HMGCLL1: variants seen among roughly 807,000 people sequenced by gnomAD.
HMGCLL1 encodes the protein 3-hydroxy-3-methylglutaryl-CoA lyase like 1, also known as 3-hydroxymethyl-3-methylglutaryl-CoA lyase, cytoplasmic.
A neutral mutation model predicts 39.1 loss-of-function variants in HMGCLL1; 36 were observed. The ratio of observed to expected loss-of-function variants is 0.92; its 90% CI spans 0.71 to 1.22. The LOEUF (loss-of-function observed/expected upper bound fraction) is 1.22. Ranked by LOEUF, HMGCLL1 falls within the 50% of genes most tolerant of loss-of-function variation. HMGCLL1 has a pLI of 0.00. For missense variants in HMGCLL1, 451 were observed against 416.5 expected (o/e 1.08, Z -0.72); for synonymous variants, 149 against 144.0 (o/e 1.03, Z -0.25).
intron 7 of HMGCLL1, among the ~76,000 whole-genome samples, chr6:55,481,103 G>C (rs1310104498): frequency 3.3e-5 from 5 of 152,090 alleles, no homozygotes; most frequent in Admixed American, 6.6e-5. Flanking sequence ...ATTGCAGGCT[G>C]GGCACAGTGG....
chr6:55,587,946 A>G, the HMGCLL1 span, among the ~76,000 whole-genome samples: 1 of 152,184 alleles, frequency 6.6e-6, no homozygotes, highest in Non-Finnish European at 1.5e-5. Context: ...CTCCCACACA[A>G]TAATAATGGG....
intron 7 of HMGCLL1, among the ~76,000 whole-genome samples, chr6:55,442,480 T>G (rs9370424): frequency 0.3 from 45,888 of 151,968 alleles, 7,328 homozygotes; most frequent in African/African-American, 0.42. Flanking sequence ...CCTTTAGGCA[T>G]GCCAAAGGGA....
At chr6:55,579,531 G>T (rs922559970), upstream of HMGCLL1, among the ~76,000 whole-genome samples, 2 of 151,388 alleles carry the variant, frequency 1.3e-5, no homozygotes, top group Non-Finnish European at 3.0e-5. Flanking sequence ...GTGTAGATTT[G>T]CCTACCGTTG....
chr6:55,579,195 A>C (rs1771924027), upstream of HMGCLL1: 3 of 666,042 alleles, frequency 4.5e-6, no homozygotes, highest in South Asian at 3.6e-5. Context: ...TGTTCTGCGC[A>C]CTGCGGCGGC....
At chr6:55,549,382 G>GTGTGTA (rs1031245653) in intron 1 of HMGCLL1, among the ~76,000 whole-genome samples, 4 of 150,988 alleles carry the variant, frequency 2.6e-5, no homozygotes, top group African/African-American at 9.8e-5. Context: ...AAGTGTGTGT[G>GTGTGTA]TGTGTGTGTG....
intron 1 of HMGCLL1, among the ~76,000 whole-genome samples, chr6:55,551,560 A>G (rs184833532): frequency 1.1e-4 from 17 of 152,052 alleles, no homozygotes; most frequent in Non-Finnish European, 1.5e-4. Flanking sequence ...GGAGGAGAAG[A>G]AGAAAGCATA....
chr6:55,605,860 T>C, the HMGCLL1 span, among the ~76,000 whole-genome samples: 2 of 152,332 alleles, frequency 1.3e-5, no homozygotes, highest in East Asian at 1.9e-4. Context: ...TTCTAACTGT[T>C]ACGTAGACCT....
intron 7 of HMGCLL1, among the ~76,000 whole-genome samples, chr6:55,479,663 T>C (rs1765626990): frequency 6.6e-6 from 1 of 151,688 alleles, no homozygotes; most frequent in Non-Finnish European, 1.5e-5. Context: ...TTAGAGACAT[T>C]TAATGATTTC....
the HMGCLL1 span, among the ~76,000 whole-genome samples, chr6:55,657,050 GT>G: frequency 2.0e-5 from 3 of 151,572 alleles, no homozygotes; most frequent in South Asian, 2.1e-4. Context: ...GGGTTTTGTT[GT>G]TTTTTTTCTA....
At chr6:55,540,864 G>A (rs1769396038) in intron 3 of HMGCLL1, among the ~76,000 whole-genome samples, 1 of 152,110 alleles carries the variant, frequency 6.6e-6, no homozygotes. Flanking sequence ...CCAAAGAAGA[G>A]AGGATAGGCA....
chr6:55,668,235 G>T, the HMGCLL1 span, among the ~76,000 whole-genome samples: 1 of 151,884 alleles, frequency 6.6e-6, no homozygotes, highest in Admixed American at 6.6e-5. Flanking sequence ...TCTGGCAAAT[G>T]CCAACTTTGT....
intron 7 of HMGCLL1, among the ~76,000 whole-genome samples, chr6:55,494,733 C>A (rs1766488533): frequency 6.6e-6 from 1 of 152,248 alleles, no homozygotes; most frequent in East Asian, 1.9e-4. Context: ...GAATATCAAA[C>A]AAATCATTTT....
upstream of HMGCLL1, among the ~76,000 whole-genome samples, chr6:55,581,586 C>T (rs1323445509): frequency 1.3e-5 from 2 of 151,960 alleles, no homozygotes; most frequent in Admixed American, 6.6e-5. Flanking sequence ...TCAAATAAAA[C>T]ATTTTCAATA....
At chr6:55,577,114 T>G (rs1771797211) in intron 1 of HMGCLL1, 1 of 1,612,486 alleles carries the variant, frequency 6.2e-7, no homozygotes, top group Admixed American at 1.7e-5. Flanking sequence ...CCAAGGAGAC[T>G]GAGAAGCCAG....
intron 7 of HMGCLL1, among the ~76,000 whole-genome samples, chr6:55,483,214 C>A (rs778073499): frequency 6.6e-6 from 1 of 151,936 alleles, no homozygotes; most frequent in Non-Finnish European, 1.5e-5. Context: ...TAGTTTTGAA[C>A]AAATTTAAAT....
chr6:55,665,904 C>A, the HMGCLL1 span, among the ~76,000 whole-genome samples: 1 of 151,592 alleles, frequency 6.6e-6, no homozygotes, highest in Non-Finnish European at 1.5e-5. Context: ...AAATGATATA[C>A]CTACTATAAA....
At chr6:55,664,859 T>C in the HMGCLL1 span, among the ~76,000 whole-genome samples, 4 of 151,592 alleles carry the variant, frequency 2.6e-5, no homozygotes, top group Non-Finnish European at 5.9e-5. Context: ...ATATGGCAAA[T>C]CCTCACTACA....
At chr6:55,482,539 T>C (rs1399531542) in intron 7 of HMGCLL1, among the ~76,000 whole-genome samples, 1 of 152,148 alleles carries the variant, frequency 6.6e-6, no homozygotes, top group Non-Finnish European at 1.5e-5. Flanking sequence ...AATGTCTATT[T>C]AGAAAAATAA....
the HMGCLL1 span, among the ~76,000 whole-genome samples, chr6:55,639,156 TTAAG>T: frequency 1.3e-5 from 2 of 152,028 alleles, no homozygotes; most frequent in African/African-American, 4.8e-5. Context: ...AACTATTAAA[TTAAG>T]TAATTCATGT....
Sources: gnomAD v4.1 joint callset for allele counts (sites outside exome capture counted in the v4.1 genomes callset) on GRCh38, gnomAD v4.1.1 for gene constraint, MANE v1.5 for transcripts, NCBI Gene and HGNC (gene_info 2026-07-23, HGNC 2026-07-21) for gene names.